MPP7: variants seen among roughly 807,000 people sequenced by gnomAD.
The protein encoded by MPP7 is MAGUK p55 subfamily member 7.
MPP7 carries 60 observed loss-of-function variants against 76.5 expected under a neutral mutation model. The observed-to-expected ratio is 0.78, with a 90% CI of 0.64 to 0.97. The LOEUF (loss-of-function observed/expected upper bound fraction) is 0.97. Among genes scored for constraint, MPP7 ranks in the 50% least tolerant of loss-of-function variants. The pLI is 0.00. For synonymous variants in MPP7, 237 were observed against 244.5 expected, an observed-to-expected ratio of 0.97 and a Z score of 0.29; for missense variants, 641 against 694.0, an observed-to-expected ratio of 0.92 and a Z score of 0.86.
chr10:28,217,188 A>G, intron 2 of MPP7, among the ~76,000 whole-genome samples: 1 of 152,172 alleles, frequency 6.6e-6, no homozygotes, highest in East Asian at 1.9e-4. Context: ...TTTGCAACTC[A>G]ACAAGGCTAT....
intron 1 of MPP7, among the ~76,000 whole-genome samples, chr10:28,288,581 T>C (rs1005908927): frequency 3.3e-5 from 5 of 152,118 alleles, no homozygotes; most frequent in African/African-American, 1.2e-4. Context: ...ACTCTAAAAT[T>C]TCCCACTTAT....
Position 28,054,190 on chromosome 10 carries a change from C to G in MPP7, c.1606G>C (p.Gly536Arg). 6.2e-7 allele frequency: 1 copy of G among 1,602,490 alleles called. No homozygotes were observed. Among genetic ancestry groups the G allele is most frequent in the Non-Finnish European group, 8.5e-7 (1 of 1,171,868 alleles). Residue 536 changes from glycine (G) to arginine (R), a missense_variant, in exon 17 of 17, where the codon GGT (glycine) becomes CGT (arginine). Gly to Arg is a moderately radical substitution (Grantham distance 125, BLOSUM62 -2). Coordinates refer to ENST00000683449, the MANE Select transcript of MPP7 (RefSeq NM_001318170.2). Reference protein sequence around the residue: ...KSAQIMESQYGHLFDKIIIND... With the variant: ...KSAQIMESQYRHLFDKIIIND... ...ATTATAATTTTGTCAAAAAGATGAC[C>G]ATATTGACTTTCCATTATCTGTGCA...
At chr10:28,262,899 TA>T (rs1197985540) in intron 1 of MPP7, among the ~76,000 whole-genome samples, 4 of 151,690 alleles carry the variant, frequency 2.6e-5, no homozygotes, top group Non-Finnish European at 5.9e-5. Flanking sequence ...CTACTAAAAA[TA>T]AAAAAATTAG....
chr10:28,335,165 T>C (rs1051547811), upstream of MPP7, among the ~76,000 whole-genome samples: 2 of 152,226 alleles, frequency 1.3e-5, no homozygotes, highest in African/African-American at 4.8e-5. Flanking sequence ...CCCCTTGACA[T>C]GACACCTGCT....
rs980222480 is a variant in MPP7 at position 28,125,646 on chromosome 10, A to T, written c.448-555T>A. Among the ~76,000 whole-genome samples, 20 of 152,144 alleles carry T rather than the reference A, an allele frequency of 1.3e-4. No homozygotes were observed. The South Asian group carries it at 1.4e-3, about 11-fold the overall frequency. ...AAAAACTTGGGCGATAATTATAAAG[A>T]AAAAGAAAAAAGTTAAAACCCAGAA... On this transcript the variant is annotated intron_variant, in intron 6 of 16. Transcript: ENST00000683449.
At chr10:28,231,098 C>T (rs1392074183) in intron 2 of MPP7, among the ~76,000 whole-genome samples, 2 of 148,726 alleles carry the variant, frequency 1.3e-5, no homozygotes, top group Admixed American at 6.7e-5. Context: ...ATAAAATAAA[C>T]AAATTTCAAA....
intron 12 of MPP7, 68 bp from the exon 13 acceptor site, chr10:28,069,920 T>A (rs1588720565): frequency 8.5e-7 from 1 of 1,182,494 alleles, no homozygotes; most frequent in East Asian, 2.4e-5. Context: ...GTAACTGACA[T>A]GAGTCTCTAA....
intron 2 of MPP7, among the ~76,000 whole-genome samples, chr10:28,327,871 T>A (rs949356093): frequency 6.6e-6 from 1 of 152,200 alleles, no homozygotes; most frequent in African/African-American, 2.4e-5. Context: ...AGAGCTCGGA[T>A]AATAACTCCT....
In MPP7 at chr10:28,286,669, G is replaced by A. The variant is rs181274891; in HGVS notation, c.-132+16192C>T. On this transcript the variant is annotated intron_variant, in intron 1 of 16. Coordinates refer to ENST00000683449, the MANE Select transcript of MPP7 (RefSeq NM_001318170.2). ...ATTATCATTATAATAATGCAAACAG[G>A]TCATTCACAACTTTCATAGGCTGAC... is the stretch of plus-strand genomic sequence containing the variant. Among the ~76,000 whole-genome samples the A allele has an allele frequency of 4.7e-3, 722 of 152,112 alleles. 4 individuals are homozygous for A. Among genetic ancestry groups the A allele is most frequent in the South Asian group, 6.9e-3 (33 of 4,814 alleles).
At position 28,069,616 on chromosome 10, in the gene MPP7, A is replaced by C. The variant is rs1266402605; in HGVS notation, c.1204+156T>G. Among the ~76,000 whole-genome samples, 8 of 105,806 alleles carry C rather than the reference A, an allele frequency of 7.6e-5. No individual in the cohort carries two copies. The East Asian group carries it at 0.013, about 176-fold the overall frequency. The allele number at this position is 105,806 out of a possible 152,430, so 69.4% of individuals were successfully genotyped here. On this transcript the variant is annotated intron_variant, in intron 13 of 16. Transcript: ENST00000683449. ...AGACTCCATCTCAAAAAAACAAAAC[A>C]AACAAAAAAAAAACTCACATGCCCC...
intron 2 of MPP7, among the ~76,000 whole-genome samples, chr10:28,326,104 T>C (rs1834411977): frequency 6.6e-6 from 1 of 152,190 alleles, no homozygotes; most frequent in African/African-American, 2.4e-5. Flanking sequence ...CTGCTTTCTG[T>C]ATGTGGTTAC....
At chr10:28,131,375 G>A (rs1010705632) in intron 6 of MPP7, among the ~76,000 whole-genome samples, 185 bp downstream of exon 6, 1 of 152,112 alleles carries the variant, frequency 6.6e-6, no homozygotes, top group African/African-American at 2.4e-5. Flanking sequence ...TTTAAATGTA[G>A]CCAATAAAAT....
At chr10:28,148,858 C>G (rs1835791333) in intron 4 of MPP7, among the ~76,000 whole-genome samples, 1 of 152,124 alleles carries the variant, frequency 6.6e-6, no homozygotes, top group Admixed American at 6.5e-5. Flanking sequence ...TTTCCCAAAA[C>G]TCTGAATAGT....
intron 3 of MPP7, among the ~76,000 whole-genome samples, chr10:28,201,012 C>T (rs888609931): frequency 2.6e-5 from 4 of 152,088 alleles, no homozygotes; most frequent in African/African-American, 7.2e-5. Flanking sequence ...AAGTCATAAA[C>T]GTCATCAGTT....
chr10:28,109,724 T>G (rs1834435392), intron 11 of MPP7, among the ~76,000 whole-genome samples: 1 of 151,722 alleles, frequency 6.6e-6, no homozygotes, highest in Admixed American at 6.6e-5. Context: ...CGTGGCCAAG[T>G]GCTCACCTAT....
At chr10:28,153,847 T>A (rs1016774095) in intron 3 of MPP7, among the ~76,000 whole-genome samples, 1 of 152,230 alleles carries the variant, frequency 6.6e-6, no homozygotes, top group African/African-American at 2.4e-5. Context: ...ATCCTTTTAT[T>A]GGCTTCTATT....
At chr10:28,113,218 A>T (rs1834558845) in intron 11 of MPP7, among the ~76,000 whole-genome samples, 4 of 152,098 alleles carry the variant, frequency 2.6e-5, no homozygotes. Flanking sequence ...TTGCTTGGGT[A>T]ATGTCCTGGA....
At chr10:28,076,751 G>A (rs972490123) in intron 12 of MPP7, among the ~76,000 whole-genome samples, 17 of 152,082 alleles carry the variant, frequency 1.1e-4, no homozygotes, top group Non-Finnish European at 2.9e-5. Context: ...AGCTGGGCAT[G>A]GTGGCACACA....
intron 3 of MPP7, among the ~76,000 whole-genome samples, chr10:28,173,206 A>G (rs1216971199): frequency 6.6e-6 from 1 of 151,328 alleles, no homozygotes. Context: ...GAAGGCTCAG[A>G]CTCAATAGGT....
Sources: gnomAD v4.1 joint callset for allele counts (sites outside exome capture counted in the v4.1 genomes callset) on GRCh38, gnomAD v4.1.1 for gene constraint, MANE v1.5 for transcripts, NCBI Gene and HGNC (gene_info 2026-07-23, HGNC 2026-07-21) for gene names.